Variants in ST6GALNAC5 observed in about 807,000 individuals in gnomAD.
The protein encoded by ST6GALNAC5 is ST6 N-acetylgalactosaminide alpha-2,6-sialyltransferase 5.
A neutral mutation model predicts 33.6 loss-of-function variants in ST6GALNAC5; 27 were observed. The observed-to-expected ratio is 0.80, with a 90% CI of 0.59 to 1.11. The LOEUF (loss-of-function observed/expected upper bound fraction) is 1.11, where lower values mean the gene tolerates loss of function less well. ST6GALNAC5 is among the 50% of genes least tolerant of loss of function. The pLI is 0.00. For missense variants in ST6GALNAC5, 428 were observed against 454.0 expected, an observed-to-expected ratio of 0.94 and a Z score of 0.52; for synonymous variants, 194 against 171.2, an observed-to-expected ratio of 1.13 and a Z score of -1.04.
intron 2 of ST6GALNAC5, among the ~76,000 whole-genome samples, chr1:76,887,344 A>T (rs1029671391): frequency 1.3e-5 from 2 of 152,178 alleles, no homozygotes; most frequent in South Asian, 4.1e-4. Flanking sequence ...TTTGCATTGC[A>T]TTCTTTTTCA....
chr1:76,972,479 T>A (rs1648802289), intron 2 of ST6GALNAC5, among the ~76,000 whole-genome samples: 1 of 152,210 alleles, frequency 6.6e-6, no homozygotes, highest in Non-Finnish European at 1.5e-5. Flanking sequence ...TTTTACCTTA[T>A]ATATTTAAAA....
intron 2 of ST6GALNAC5, among the ~76,000 whole-genome samples, chr1:76,912,183 C>T (rs1188402636): frequency 6.6e-6 from 1 of 151,330 alleles, no homozygotes; most frequent in Admixed American, 6.6e-5. Flanking sequence ...TCGTTATGTA[C>T]CCAGTAGTCA....
Position 76,951,573 on chromosome 1 carries a change from G to A in ST6GALNAC5, c.261+82831G>A, listed in dbSNP as rs188575855. ...TGGGTGCAGCAAACCACCGTGGCAC[G>A]TGTATACCTATGTAACAAACCTGCA... is the stretch of plus-strand genomic sequence containing the variant. On this transcript the variant is annotated intron_variant, in intron 2 of 4. Transcript: ENST00000477717. Among the ~76,000 whole-genome samples, 50 of 152,052 alleles carry A rather than the reference G, an allele frequency of 3.3e-4. 1 individual carries two copies. The highest frequency in any genetic ancestry group is 9.6e-4 in the African/African-American group (40 of 41,484).
intron 2 of ST6GALNAC5, among the ~76,000 whole-genome samples, chr1:76,893,511 A>T (rs1654056303): frequency 6.6e-6 from 1 of 152,196 alleles, no homozygotes; most frequent in East Asian, 1.9e-4. Flanking sequence ...ATGTGTAAGG[A>T]GTAACTATCC....
At chr1:76,896,389 A>G (rs912230722) in intron 2 of ST6GALNAC5, among the ~76,000 whole-genome samples, 2 of 152,214 alleles carry the variant, frequency 1.3e-5, no homozygotes, top group African/African-American at 4.8e-5. Flanking sequence ...GTAGAATAGC[A>G]GATGGAACAC....
At chr1:76,945,482 G>A (rs1004396528) in intron 2 of ST6GALNAC5, among the ~76,000 whole-genome samples, 1 of 152,030 alleles carries the variant, frequency 6.6e-6, no homozygotes, top group Non-Finnish European at 1.5e-5. Flanking sequence ...TTTTTCAGGT[G>A]TTATGTTTCT....
Position 76,868,371 on chromosome 1 carries a change from G to T in ST6GALNAC5, c.16-126G>T. On this transcript the variant is annotated intron_variant, in intron 1 of 4. Coordinates refer to ENST00000477717, the MANE Select transcript of ST6GALNAC5 (RefSeq NM_030965.3). This position sits in a 1 kb window ranked among gnomAD's most constrained non-coding sequence, Gnocchi z 4.3. ...CTCTGTCCCAGTTGCGTGCGGCGGG[G>T]CTGGGGCCCAGGCCGCCCCAAATCT... 2 of 1,372,600 alleles carry T rather than the reference G, an allele frequency of 1.5e-6. No homozygotes were observed. Among genetic ancestry groups the T allele is most frequent in the Non-Finnish European group, 1.9e-6 (2 of 1,035,752 alleles). 85.0% of individuals were successfully genotyped at this position (1,372,600 alleles called of 1,614,324 possible).
intron 2 of ST6GALNAC5, among the ~76,000 whole-genome samples, chr1:77,043,632 A>T (rs1390503227): frequency 6.6e-6 from 1 of 152,222 alleles, no homozygotes; most frequent in Non-Finnish European, 1.5e-5. Context: ...TGATGCTTAG[A>T]TGATGTGTAT....
chr1:76,891,612 T>G (rs771144792), intron 2 of ST6GALNAC5, among the ~76,000 whole-genome samples: 4 of 152,196 alleles, frequency 2.6e-5, no homozygotes, highest in Non-Finnish European at 4.4e-5. Flanking sequence ...TCTATTTTTG[T>G]CTCACTTATA....
At chr1:76,996,856 T>C (rs972640582) in intron 2 of ST6GALNAC5, among the ~76,000 whole-genome samples, 1 of 152,148 alleles carries the variant, frequency 6.6e-6, no homozygotes, top group Non-Finnish European at 1.5e-5. Context: ...GGAATCATAT[T>C]ACAACATTCA....
At chr1:77,040,822 A>G (rs1419867329) in intron 2 of ST6GALNAC5, among the ~76,000 whole-genome samples, 1 of 152,222 alleles carries the variant, frequency 6.6e-6, no homozygotes, top group Non-Finnish European at 1.5e-5. Flanking sequence ...GTCCACTGGG[A>G]TGAACTTACA....
chr1:77,056,268 A>G (rs947266336), intron 4 of ST6GALNAC5, among the ~76,000 whole-genome samples: 1 of 152,220 alleles, frequency 6.6e-6, no homozygotes, highest in Non-Finnish European at 1.5e-5. Flanking sequence ...ATTGCGTGAA[A>G]AGATCTGTTG....
chr1:77,048,843 T>G (rs1285100468), intron 3 of ST6GALNAC5, among the ~76,000 whole-genome samples: 1 of 152,204 alleles, frequency 6.6e-6, no homozygotes, highest in Non-Finnish European at 1.5e-5. Flanking sequence ...GGACAGAGAT[T>G]CCTATGCCTC....
At chr1:77,024,674 T>G (rs915902221) in intron 2 of ST6GALNAC5, among the ~76,000 whole-genome samples, 2 of 152,204 alleles carry the variant, frequency 1.3e-5, no homozygotes, top group South Asian at 4.1e-4. Context: ...CTTTGATATG[T>G]GAGACCCAGA....
chr1:76,960,625 A>G (rs1196528230), intron 2 of ST6GALNAC5, among the ~76,000 whole-genome samples: 1 of 152,168 alleles, frequency 6.6e-6, no homozygotes, highest in Non-Finnish European at 1.5e-5. Flanking sequence ...AGCTTCGACC[A>G]TAAAAGATGG....
intron 4 of ST6GALNAC5, among the ~76,000 whole-genome samples, chr1:77,053,327 G>T (rs1471959759): frequency 2.0e-5 from 3 of 152,166 alleles, no homozygotes; most frequent in African/African-American, 7.2e-5. Flanking sequence ...GCTCACATTG[G>T]CTGGGCCCAT....
chr1:77,011,685 TGTTA>T lies in ST6GALNAC5; in HGVS notation c.262-32516_262-32513del, dbSNP rs541109427. Among the ~76,000 whole-genome samples the T allele has an allele frequency of 1.6e-3, 241 of 152,282 alleles. No homozygotes were observed. In the Middle Eastern group the frequency reaches 0.02, roughly 13 times the overall value. On this transcript the variant is annotated intron_variant, in intron 2 of 4. Coordinates refer to ENST00000477717, the MANE Select transcript of ST6GALNAC5 (RefSeq NM_030965.3). ...AGTATGTAGTACAACATAATTATTT[TGTTA>T]GTAATATTTTTATTTTATAATATAG... is the stretch of plus-strand genomic sequence containing the variant.
At position 77,044,507 on chromosome 1, in the gene ST6GALNAC5, C is replaced by A; in HGVS notation, c.565C>A (p.Leu189Met). Residue 189 changes from leucine (L) to methionine (M), a missense_variant, in exon 3 of 5, where the codon CTG (leucine) becomes ATG (methionine). Leu to Met is a conservative substitution (Grantham distance 15). Coordinates refer to ENST00000477717, the MANE Select transcript of ST6GALNAC5 (RefSeq NM_030965.3). ...CGGCAAGGGCCAGGTCTACAACAACCTGCATCTCCTGAGCCAGGTGCTGCC... is the reference window on the plus strand; with the variant it reads ...CGGCAAGGGCCAGGTCTACAACAACATGCATCTCCTGAGCCAGGTGCTGCC... ...RDGKGQVYNN[L>M]HLLSQVLPRL... 1 of 1,612,786 alleles carries A rather than the reference C, an allele frequency of 6.2e-7. No individual in the cohort carries two copies. The highest frequency in any genetic ancestry group is 8.5e-7 in the Non-Finnish European group (1 of 1,179,354).
At chr1:76,966,939 G>C (rs1029816841) in intron 2 of ST6GALNAC5, among the ~76,000 whole-genome samples, 1 of 152,204 alleles carries the variant, frequency 6.6e-6, no homozygotes, top group African/African-American at 2.4e-5. Context: ...GCATCCCAGG[G>C]ATGAAGCTGA....
Sources: allele counts gnomAD v4.1 joint callset (sites outside exome capture counted in the v4.1 genomes callset), GRCh38; gene constraint gnomAD v4.1.1; non-coding constraint Gnocchi (gnomAD v3.1); transcripts MANE v1.5; gene names NCBI Gene and HGNC (gene_info 2026-07-23, HGNC 2026-07-21).